Variants in GTF2IRD1 observed in about 807,000 individuals in gnomAD.
GTF2IRD1 encodes the protein GTF2I repeat domain containing 1.
A neutral mutation model predicts 113.2 loss-of-function variants in GTF2IRD1; 26 were observed. The observed-to-expected ratio is 0.23, with a 90% CI of 0.17 to 0.32. The LOEUF (loss-of-function observed/expected upper bound fraction) is 0.32. Among genes scored for constraint, GTF2IRD1 ranks in the 10% least tolerant of loss-of-function variants. The pLI is 1.00. For synonymous variants in GTF2IRD1, 484 were observed against 529.1 expected (o/e 0.91, Z 1.17); for missense variants, 864 against 1,280.8 (o/e 0.67, Z 4.97).
rs587646524 is a variant in GTF2IRD1 at position 74,540,949 on chromosome 7, A to G, written c.1618+981A>G. On this transcript the variant is annotated intron_variant, in intron 14 of 26. Transcript: ENST00000424337. ...GTTAATTTTTTTGTATTTTTAGTAGAGACGGGGTTTCACCATGATGGTCAG... is the reference window on the plus strand; with the variant it reads ...GTTAATTTTTTTGTATTTTTAGTAGGGACGGGGTTTCACCATGATGGTCAG... Among the ~76,000 whole-genome samples, 16 of 151,678 alleles carry G rather than the reference A, an allele frequency of 1.1e-4. No homozygotes were observed. The South Asian group carries it at 3.4e-3, about 32-fold the overall frequency.
chr7:74,566,969 C>G (rs1031084770), intron 22 of GTF2IRD1, among the ~76,000 whole-genome samples: 3 of 152,158 alleles, frequency 2.0e-5, no homozygotes, highest in African/African-American at 7.2e-5. Context: ...AGCTATTACA[C>G]TGGTCCTGCC....
intron 22 of GTF2IRD1, among the ~76,000 whole-genome samples, chr7:74,571,643 C>G (rs1355287283): frequency 6.6e-6 from 1 of 152,216 alleles, no homozygotes; most frequent in Non-Finnish European, 1.5e-5. Context: ...AGGAGGGTCA[C>G]TTGCATCCAG....
intron 22 of GTF2IRD1, among the ~76,000 whole-genome samples, chr7:74,588,257 G>A (rs370626823): frequency 1.3e-5 from 2 of 151,720 alleles, no homozygotes; most frequent in East Asian, 1.9e-4. Flanking sequence ...ACAGGTGCCC[G>A]CCACCACACT....
intron 17 of GTF2IRD1, among the ~76,000 whole-genome samples, chr7:74,550,427 G>GAA (rs34025078): frequency 5.5e-5 from 8 of 145,308 alleles, no homozygotes; most frequent in African/African-American, 1.5e-4. Flanking sequence ...CATCTCTAGG[G>GAA]AAAAAAAAAA....
At chr7:74,571,076 G>A (rs782290075) in intron 22 of GTF2IRD1, 1 of 984,214 alleles carries the variant, frequency 1.0e-6, no homozygotes, top group Non-Finnish European at 1.2e-6. Flanking sequence ...GCCAGCTTGA[G>A]GGGACTGTGG....
intron 16 of GTF2IRD1, 38 bp downstream of exon 16, chr7:74,545,847 G>T (rs781961927): frequency 6.7e-7 from 1 of 1,497,572 alleles, no homozygotes; most frequent in East Asian, 2.3e-5. Flanking sequence ...GGGCATCCCG[G>T]CCCCCCTCCA....
At chr7:74,562,675 C>T (rs373145858) in intron 22 of GTF2IRD1, among the ~76,000 whole-genome samples, 2 of 133,856 alleles carry the variant, frequency 1.5e-5, no homozygotes, top group East Asian at 2.5e-4. Context: ...TCAAATGATT[C>T]TCCTGCCTCA....
chr7:74,572,598 G>A (rs1800758777), intron 22 of GTF2IRD1: 1 of 977,072 alleles, frequency 1.0e-6, no homozygotes, highest in South Asian at 4.7e-5. Flanking sequence ...TGCTGCCCAA[G>A]ACTTGAGAGT....
At position 74,555,226 on chromosome 7, in the gene GTF2IRD1, A is replaced by G; in HGVS notation, c.1966+3A>G. On this transcript the variant is annotated splice_donor_region_variant and intron_variant, in intron 18 of 26. Transcript: ENST00000424337. The surrounding 1 kb of genome is among the most constrained non-coding windows in gnomAD (Gnocchi z 5.3). ...AGAGCCCATCATGGATAGTCAAGGTACCCAGCGCGGGGTCGGGAGCCATGG... is the reference window on the plus strand; with the variant it reads ...AGAGCCCATCATGGATAGTCAAGGTGCCCAGCGCGGGGTCGGGAGCCATGG... 1 of 1,613,180 alleles carries G rather than the reference A, an allele frequency of 6.2e-7. No homozygotes were observed. The highest frequency in any genetic ancestry group is 8.5e-7 in the Non-Finnish European group (1 of 1,179,670).
chr7:74,572,614 C>T, intron 22 of GTF2IRD1: 2 of 956,966 alleles, frequency 2.1e-6, no homozygotes, highest in Non-Finnish European at 2.5e-6. Context: ...AGAGTCATTT[C>T]CTTGTCGCCA....
At chr7:74,478,167 CT>C (rs1336484992) in intron 1 of GTF2IRD1, among the ~76,000 whole-genome samples, 2 of 152,214 alleles carry the variant, frequency 1.3e-5, no homozygotes, top group Admixed American at 1.3e-4. Context: ...GGTGCCAAGC[CT>C]GCATTTCCCA....
chr7:74,566,397 C>T (rs1268377202), intron 22 of GTF2IRD1, among the ~76,000 whole-genome samples: 1 of 152,166 alleles, frequency 6.6e-6, no homozygotes, highest in African/African-American at 2.4e-5. Context: ...GGCTGGACTG[C>T]AGTCGTGTGA....
At chr7:74,518,110 A>G in intron 4 of GTF2IRD1, 29 bp from the exon 5 acceptor site, 1 of 1,441,234 alleles carries the variant, frequency 6.9e-7, no homozygotes, top group African/African-American at 1.5e-5. Context: ...CTCTCATACC[A>G]GGCCCCTCTC....
chr7:74,464,277 A>G (rs1258601406), intron 1 of GTF2IRD1, among the ~76,000 whole-genome samples: 1 of 152,190 alleles, frequency 6.6e-6, no homozygotes, highest in Non-Finnish European at 1.5e-5. Flanking sequence ...CCAGGTGGGC[A>G]TGAATGAAGC....
intron 1 of GTF2IRD1, among the ~76,000 whole-genome samples, chr7:74,494,386 C>T (rs781826929): frequency 2.6e-5 from 4 of 152,268 alleles, no homozygotes; most frequent in Non-Finnish European, 5.9e-5. Context: ...CCGGCCCCTC[C>T]AGCACGGTGG....
chr7:74,532,023 A>G (rs782741441), intron 9 of GTF2IRD1, among the ~76,000 whole-genome samples: 17 of 152,188 alleles, frequency 1.1e-4, no homozygotes, highest in Non-Finnish European at 2.1e-4. Context: ...AGGAGAAAGT[A>G]TCTGGAGAAG....
In GTF2IRD1 at chr7:74,511,311, G is replaced by A. The variant is rs567881499; in HGVS notation, c.124-1519G>A. On this transcript the variant is annotated intron_variant, in intron 2 of 26. Coordinates refer to ENST00000424337, the MANE Select transcript of GTF2IRD1 (RefSeq NM_005685.4). ...GGGTGGGCTGAAGGGATGTGCCTTC[G>A]TCACCCGCCCCCAATCTCATCCTCT... is the stretch of plus-strand genomic sequence containing the variant. 2.6e-5 allele frequency among the ~76,000 whole-genome samples: 4 copies of A among 152,256 alleles called. No individual in the cohort carries two copies. The East Asian group carries it at 7.7e-4, about 29-fold the overall frequency.
At chr7:74,544,826 A>G (rs781892208) in intron 15 of GTF2IRD1, 24 bp downstream of exon 15, 2 of 1,599,172 alleles carry the variant, frequency 1.3e-6, no homozygotes, top group Non-Finnish European at 1.7e-6. Flanking sequence ...TACCCCTGAC[A>G]TTTTACACCC....
Position 74,591,055 on chromosome 7 carries a change from C to T in GTF2IRD1, c.2591+38C>T, listed in dbSNP as rs782290128. The T allele has an allele frequency of 8.8e-6, 13 of 1,482,792 alleles. No homozygotes were observed. The Admixed American group carries it at 1.5e-4, about 18-fold the overall frequency. 91.9% of individuals were successfully genotyped at this position (1,482,792 alleles called of 1,614,324 possible). ...CCTCTGGAACGGGGAACAGAGAGGGCGAGGCCATGGGGAGGGTGAAAGTCA... is the reference window on the plus strand; with the variant it reads ...CCTCTGGAACGGGGAACAGAGAGGGTGAGGCCATGGGGAGGGTGAAAGTCA... On this transcript the variant is annotated intron_variant, in intron 24 of 26. Coordinates refer to ENST00000424337, the MANE Select transcript of GTF2IRD1 (RefSeq NM_005685.4).
Sources: allele counts gnomAD v4.1 joint callset (sites outside exome capture counted in the v4.1 genomes callset), GRCh38; gene constraint gnomAD v4.1.1; non-coding constraint Gnocchi (gnomAD v3.1); transcripts MANE v1.5; gene names NCBI Gene and HGNC (gene_info 2026-07-23, HGNC 2026-07-21).